The following MDN1 variants were observed in gnomAD, a reference collection of about 807,000 sequenced individuals.
MDN1 encodes midasin.
MDN1 carries 266 observed loss-of-function variants against 669.2 expected under a neutral mutation model. The observed-to-expected ratio is 0.40, with a 90% confidence interval of 0.36 to 0.44. The LOEUF is 0.44. MDN1 is among the 20% of genes least tolerant of loss of function. The pLI is 1.00. For missense variants in MDN1, 5,940 were observed against 6,754.0 expected (o/e 0.88, Z 4.22); for synonymous variants, 2,385 against 2,457.1 (o/e 0.97, Z 0.87).
intron 96 of MDN1, 111 bp downstream of exon 96, chr6:89,650,621 G>T: frequency 2.6e-6 from 2 of 784,300 alleles, no homozygotes; most frequent in Non-Finnish European, 4.1e-6. Context: ...TACGGCACAA[G>T]CGGCAGCCTA....
In MDN1 at chr6:89,672,707, C is replaced by G; in HGVS notation, c.13475-5G>C. On this transcript the variant is annotated splice_region_variant and splice_polypyrimidine_tract_variant and intron_variant, in intron 80 of 101. Coordinates refer to ENST00000369393, the MANE Select transcript of MDN1 (RefSeq NM_014611.3). The stretch of plus-strand genomic sequence containing the variant: ...CTTCGTCCAACATTTGATTTCCTAG[C>G]AGGTAACATGGTGCAAAACAAACAT... The G allele has an allele frequency of 6.2e-7, 1 of 1,613,154 alleles. No homozygotes were observed. Among genetic ancestry groups the G allele is most frequent in the African/African-American group, 1.3e-5 (1 of 75,008 alleles).
chr6:89,763,551 G>A (rs552184670), intron 15 of MDN1, among the ~76,000 whole-genome samples: 2 of 152,150 alleles, frequency 1.3e-5, no homozygotes, highest in African/African-American at 2.4e-5. Context: ...TTAAACATAC[G>A]ATGTCTAAGA....
chr6:89,722,956 T>G lies in MDN1; in HGVS notation c.5966A>C (p.Lys1989Thr), dbSNP rs1484644852. 3 of 1,565,028 alleles carry G rather than the reference T, an allele frequency of 1.9e-6. No homozygotes were observed. Among genetic ancestry groups the G allele is most frequent in the Middle Eastern group, 1.7e-4 (1 of 5,888 alleles). ...ACAAATACCAAGCGTGAAACTCACC[T>G]TTTTTTTGTCCTCTTCGGTTCTCAT... ...ERMRTEEDKK[K>T]VIAVFKDVFG... Residue 1989 changes from lysine to threonine, a missense_variant and splice_region_variant, in exon 40 of 102, where the codon AAG (lysine) becomes ACG (threonine). Physicochemically the swap from Lys to Thr is moderately conservative, Grantham distance 78. This residue lies in a region of MDN1 where 2,292 missense variants were observed against 2,638.3 expected (regional missense o/e 0.87). Coordinates refer to ENST00000369393, the MANE Select transcript of MDN1 (RefSeq NM_014611.3).
At chr6:89,670,170 A>ATCTATTTTT (rs1444537561) in intron 83 of MDN1, among the ~76,000 whole-genome samples, 1 of 23,412 alleles carries the variant, frequency 4.3e-5, no homozygotes, top group African/African-American at 2.6e-4. Flanking sequence ...ATATATATAT[A>ATCTATTTTT]TTTTTTTTTT....
chr6:89,727,976 G>GA (rs1315604587), intron 36 of MDN1, 21 bp from the exon 37 acceptor site: 3 of 1,586,514 alleles, frequency 1.9e-6, no homozygotes, highest in Non-Finnish European at 2.6e-6. Flanking sequence ...GGAAGAAATG[G>GA]AAAGAAGCCA....
chr6:89,782,935 G>C (rs540948776), intron 9 of MDN1, among the ~76,000 whole-genome samples: 1 of 152,298 alleles, frequency 6.6e-6, no homozygotes, highest in Admixed American at 6.5e-5. Flanking sequence ...TCTTATGCCT[G>C]TCTTTAATCT....
chr6:89,755,379 CA>C (rs143855867), intron 20 of MDN1, among the ~76,000 whole-genome samples: 60,386 of 121,132 alleles, frequency 0.5, 13,915 homozygotes, highest in East Asian at 0.67. Context: ...CTCCTGTATC[CA>C]AAAAAAAAAA....
rs767796711 is a variant in MDN1 at position 89,740,272 on chromosome 6, C to T, written c.4555G>A (p.Ala1519Thr). Residue 1519 changes from alanine (A) to threonine (T), a missense_variant, in exon 32 of 102, where the codon GCA becomes ACA. This residue lies in a region of MDN1 where 2,292 missense variants were observed against 2,638.3 expected (regional missense o/e 0.87). Transcript: ENST00000369393. Reference sequence around the variant, plus strand: ...AAGTCACCCCCAGGGTTCATGGTTGCTAGAATACGAAATTTTTTCCCAGCA... The same window carrying T: ...AAGTCACCCCCAGGGTTCATGGTTGTTAGAATACGAAATTTTTTCCCAGCA... ...LTAGKKFRILATMNPGGDFGK... is the reference protein window; with the variant it reads ...LTAGKKFRILTTMNPGGDFGK... The T allele has an allele frequency of 2.5e-6, 4 of 1,611,880 alleles. No individual in the cohort carries two copies. Among genetic ancestry groups the T allele is most frequent in the African/African-American group, 1.3e-5 (1 of 74,902 alleles).
intron 8 of MDN1, among the ~76,000 whole-genome samples, chr6:89,787,257 T>C (rs1024085687): frequency 6.6e-6 from 1 of 152,218 alleles, no homozygotes; most frequent in African/African-American, 2.4e-5. Flanking sequence ...TGTGCAGGTA[T>C]AGACTAGCAG....
rs781098657 is a variant in MDN1 at position 89,643,719 on chromosome 6, C to T, written c.*286G>A. The T allele has an allele frequency of 2.6e-5, 7 of 271,620 alleles. No homozygotes were observed. Among genetic ancestry groups the T allele is most frequent in the Non-Finnish European group, 3.4e-5 (5 of 144,952 alleles). 16.8% of individuals were successfully genotyped at this position (271,620 alleles called of 1,614,324 possible). Reference sequence around the variant, plus strand: ...AAGAAAACAGGCAGCTGGGCTCCAACGGTGGGGTATGACCTCCTCCCAGGC... The same window carrying T: ...AAGAAAACAGGCAGCTGGGCTCCAATGGTGGGGTATGACCTCCTCCCAGGC... On this transcript the variant is annotated 3_prime_UTR_variant, in exon 102 of 102. Coordinates refer to ENST00000369393, the MANE Select transcript of MDN1 (RefSeq NM_014611.3).
chr6:89,778,358 T>G (rs539747103), intron 11 of MDN1, among the ~76,000 whole-genome samples: 1 of 152,226 alleles, frequency 6.6e-6, no homozygotes, highest in African/African-American at 2.4e-5. Context: ...TTTAAAGCCA[T>G]AATTCTAAGT....
chr6:89,710,411 C>G (rs912380989), intron 50 of MDN1, among the ~76,000 whole-genome samples: 1 of 151,700 alleles, frequency 6.6e-6, no homozygotes, highest in Non-Finnish European at 1.5e-5. Flanking sequence ...GCTCAAGCCT[C>G]TAGTCCCAAC....
At chr6:89,732,812 C>T (rs374962613) in intron 33 of MDN1, 37 bp from the exon 34 acceptor site, 8 of 1,591,226 alleles carry the variant, frequency 5.0e-6, no homozygotes, top group African/African-American at 2.7e-5. Context: ...TTGCTGTTAA[C>T]GGGAGATCCC....
At chr6:89,671,117 G>A in intron 82 of MDN1, 37 bp from the exon 83 acceptor site, 2 of 1,595,254 alleles carry the variant, frequency 1.3e-6, no homozygotes, top group Non-Finnish European at 1.7e-6. Context: ...TGCTCACACT[G>A]CTTGGCAGGT....
chr6:89,718,277 A>T, intron 43 of MDN1, 89 bp downstream of exon 43: 1 of 1,355,150 alleles, frequency 7.4e-7, no homozygotes, highest in Non-Finnish European at 1.0e-6. Flanking sequence ...TTACTAAATT[A>T]ATACAAAACA....
At chr6:89,664,403 G>T in intron 85 of MDN1, 84 bp downstream of exon 85, 1 of 1,504,480 alleles carries the variant, frequency 6.6e-7, no homozygotes, top group Non-Finnish European at 9.1e-7. Context: ...GATTATATTG[G>T]GTTCCTTATT....
intron 31 of MDN1, among the ~76,000 whole-genome samples, chr6:89,741,091 C>T (rs1816273526): frequency 6.6e-6 from 1 of 152,080 alleles, no homozygotes; most frequent in South Asian, 2.1e-4. Flanking sequence ...AATTAGCAGA[C>T]TGTGCTGGCT....
intron 29 of MDN1, among the ~76,000 whole-genome samples, chr6:89,745,064 G>T (rs183565145): frequency 2.2e-5 from 3 of 139,412 alleles, no homozygotes; most frequent in African/African-American, 5.4e-5. Flanking sequence ...CCCTCAACTC[G>T]TGATTTACAT....
Position 89,712,131 on chromosome 6 carries a change from G to T in MDN1, c.7556C>A (p.Ala2519Asp). Reference protein sequence around the residue: ...WIDEPDVLVMAVKLLIERATN... With the variant: ...WIDEPDVLVMDVKLLIERATN... ...TGCTCTTTCTATGAGCAATTTAACA[G>T]CCATGACCAAAACATCTGGTTCATC... Residue 2519 changes from alanine (A) to aspartate (D), a missense_variant, in exon 49 of 102, where the codon GCT becomes GAT. Ala to Asp is a moderately radical substitution (Grantham distance 126). Around this residue, in one of 5 missense-constraint regions of MDN1, gnomAD observed 2,292 missense variants for 2,638.3 expected, o/e 0.87. Coordinates refer to ENST00000369393, the MANE Select transcript of MDN1 (RefSeq NM_014611.3). 1 of 1,614,084 alleles carries T rather than the reference G, an allele frequency of 6.2e-7. No individual in the cohort carries two copies. The highest frequency in any genetic ancestry group is 8.5e-7 in the Non-Finnish European group (1 of 1,179,986).
Sources: allele counts gnomAD v4.1 joint callset (sites outside exome capture counted in the v4.1 genomes callset), GRCh38; gene constraint gnomAD v4.1.1; regional missense constraint gnomAD v4.1.1; transcripts MANE v1.5; gene names NCBI Gene and HGNC (gene_info 2026-07-23, HGNC 2026-07-21).